CTNND2: variants seen among roughly 807,000 people sequenced by gnomAD.
CTNND2 encodes catenin delta-2.
In CTNND2, 22 loss-of-function variants were observed where a neutral mutation model predicts 144.4. The ratio of observed to expected loss-of-function variants is 0.15; its 90% CI spans 0.11 to 0.22. CTNND2 has a LOEUF of 0.22. CTNND2 is among the 10% of genes least tolerant of loss of function. The pLI, the probability that CTNND2 is intolerant of heterozygous loss-of-function variation, is 1.00. For missense variants in CTNND2, 1,353 were observed against 1,618.8 expected, an observed-to-expected ratio of 0.84 and a Z score of 2.82; for synonymous variants, 751 against 695.6, an observed-to-expected ratio of 1.08 and a Z score of -1.25.
chr5:11,573,520 C>A (rs1777743940), intron 2 of CTNND2, among the ~76,000 whole-genome samples: 1 of 152,154 alleles, frequency 6.6e-6, no homozygotes, highest in African/African-American at 2.4e-5. Context: ...TGGAAGCCTA[C>A]AGCAGAGTGT....
At chr5:11,729,445 G>A (rs1787207764) in intron 2 of CTNND2, among the ~76,000 whole-genome samples, 1 of 152,076 alleles carries the variant, frequency 6.6e-6, no homozygotes. Context: ...AATGTTCTGA[G>A]TTTTTAAAAA....
At chr5:11,175,463 C>T (rs562393340) in intron 11 of CTNND2, among the ~76,000 whole-genome samples, 17 of 152,238 alleles carry the variant, frequency 1.1e-4, no homozygotes, top group African/African-American at 2.9e-4. Flanking sequence ...AATCCCAGCA[C>T]GCACGCTGTT....
At chr5:11,286,713 T>A (rs386658) in intron 9 of CTNND2, among the ~76,000 whole-genome samples, 6 of 151,910 alleles carry the variant, frequency 3.9e-5, no homozygotes, top group Non-Finnish European at 8.8e-5. Context: ...CAGGGTGAAA[T>A]AGAAACTGTC....
chr5:11,172,678 C>A (rs531892173), intron 11 of CTNND2, among the ~76,000 whole-genome samples: 4 of 152,234 alleles, frequency 2.6e-5, no homozygotes, highest in Non-Finnish European at 4.4e-5. Flanking sequence ...GGATGGAGAG[C>A]GCCAATGGGG....
At chr5:11,314,218 A>G (rs970870215) in intron 9 of CTNND2, among the ~76,000 whole-genome samples, 3 of 152,288 alleles carry the variant, frequency 2.0e-5, no homozygotes, top group East Asian at 3.9e-4. Context: ...CTAGTCCCCT[A>G]TGAATTTCCT....
intron 9 of CTNND2, among the ~76,000 whole-genome samples, chr5:11,270,336 G>A (rs1283068409): frequency 6.6e-6 from 1 of 152,004 alleles, no homozygotes; most frequent in Non-Finnish European, 1.5e-5. Flanking sequence ...ATTAAGCAAT[G>A]CATTTATATG....
At chr5:11,246,590 C>T (rs1031750006) in intron 9 of CTNND2, among the ~76,000 whole-genome samples, 5 of 151,944 alleles carry the variant, frequency 3.3e-5, no homozygotes, top group Admixed American at 1.3e-4. Context: ...CTGGCAGAAT[C>T]AATTTCTGTT....
At chr5:11,481,441 T>C (rs1359637063) in intron 3 of CTNND2, among the ~76,000 whole-genome samples, 2 of 151,928 alleles carry the variant, frequency 1.3e-5, no homozygotes, top group Admixed American at 6.6e-5. Flanking sequence ...GCGAAATCTG[T>C]CTCTACAAAA....
At chr5:11,286,496 G>A (rs1561154409) in intron 9 of CTNND2, among the ~76,000 whole-genome samples, 1 of 152,210 alleles carries the variant, frequency 6.6e-6, no homozygotes, top group Non-Finnish European at 1.5e-5. Flanking sequence ...TAGCCGATAT[G>A]GGACCTGCAC....
At chr5:11,005,237 G>A (rs1229137679) in intron 18 of CTNND2, among the ~76,000 whole-genome samples, 1 of 152,236 alleles carries the variant, frequency 6.6e-6, no homozygotes, top group African/African-American at 2.4e-5. Context: ...ACCTGCAGAG[G>A]AAGAGCAAGG....
chr5:11,599,097 G>C (rs1386079377), intron 2 of CTNND2, among the ~76,000 whole-genome samples: 4 of 152,152 alleles, frequency 2.6e-5, no homozygotes, highest in Non-Finnish European at 5.9e-5. Flanking sequence ...GCACCAGGGA[G>C]ATGGTGCTAA....
At chr5:11,321,231 T>A (rs1007386737) in intron 9 of CTNND2, among the ~76,000 whole-genome samples, 2 of 152,344 alleles carry the variant, frequency 1.3e-5, no homozygotes, top group African/African-American at 4.8e-5. Context: ...TTTCTACATA[T>A]GTGTGTTGCA....
intron 18 of CTNND2, among the ~76,000 whole-genome samples, chr5:11,004,111 C>G (rs1196063081): frequency 1.3e-5 from 2 of 152,110 alleles, no homozygotes; most frequent in East Asian, 1.9e-4. Context: ...TTAATAGGTA[C>G]CAATGGAATG....
intron 16 of CTNND2, among the ~76,000 whole-genome samples, chr5:11,030,352 C>T (rs1386837039): frequency 6.6e-6 from 1 of 151,868 alleles, no homozygotes; most frequent in Non-Finnish European, 1.5e-5. Context: ...CACTTTTTTT[C>T]TCCTGAGTCT....
At chr5:11,101,065 C>G (rs1317649391) in intron 14 of CTNND2, among the ~76,000 whole-genome samples, 1 of 152,142 alleles carries the variant, frequency 6.6e-6, no homozygotes, top group African/African-American at 2.4e-5. Flanking sequence ...GATGTGAACA[C>G]AGATAATCTT....
intron 3 of CTNND2, among the ~76,000 whole-genome samples, chr5:11,532,378 A>G (rs532131327): frequency 6.5e-5 from 9 of 139,328 alleles, no homozygotes; most frequent in Middle Eastern, 9.1e-3. Flanking sequence ...TCGGTTTCCC[A>G]GGGAACCTGA....
chr5:11,461,400 T>C (rs1766208673), intron 3 of CTNND2, among the ~76,000 whole-genome samples: 1 of 151,980 alleles, frequency 6.6e-6, no homozygotes, highest in Non-Finnish European at 1.5e-5. Flanking sequence ...AAAATGAAAA[T>C]TAGGCCAGGT....
At chr5:11,348,437 C>CAAAAAAAAAAAAAAAAAA (rs3034056) in intron 8 of CTNND2, among the ~76,000 whole-genome samples, 6 of 114,718 alleles carry the variant, frequency 5.2e-5, no homozygotes, top group African/African-American at 9.6e-5. Context: ...AAATCAAGGG[C>CAAAAAAAAAAAAAAAAAA]AAAAAAAAAA....
At chr5:11,396,775 C>T (rs1760178527) in intron 6 of CTNND2, among the ~76,000 whole-genome samples, 2 of 152,094 alleles carry the variant, frequency 1.3e-5, no homozygotes, top group South Asian at 4.1e-4. Flanking sequence ...CACAGGGAAA[C>T]ATATATAAGA....
Sources: allele counts gnomAD v4.1 joint callset (sites outside exome capture counted in the v4.1 genomes callset), GRCh38; gene constraint gnomAD v4.1.1; transcripts MANE v1.5; gene names NCBI Gene and HGNC (gene_info 2026-07-23, HGNC 2026-07-21).